NFASC: variants seen among roughly 807,000 people sequenced by gnomAD.
NFASC encodes neurofascin homolog.
Under a neutral mutation model 147.5 loss-of-function variants are expected in NFASC, and 43 were observed. That is an observed-to-expected ratio of 0.29 (90% CI 0.23 to 0.38). NFASC has a LOEUF of 0.38. Ranked by LOEUF, NFASC falls within the 10% of genes least tolerant of loss-of-function variation. The pLI, the probability that NFASC is intolerant of heterozygous loss-of-function variation, is 1.00. For synonymous variants in NFASC, 622 were observed against 665.5 expected, an observed-to-expected ratio of 0.93 and a Z score of 1.01; for missense variants, 1,320 against 1,689.0, an observed-to-expected ratio of 0.78 and a Z score of 3.83.
At position 204,996,763 on chromosome 1, in the gene NFASC, G is replaced by T. The variant is rs2095853476; in HGVS notation, c.2783-407G>T. Among the ~76,000 whole-genome samples, 3 of 152,080 alleles carry T rather than the reference G, an allele frequency of 2.0e-5. No homozygotes were observed. The South Asian group carries it at 6.2e-4, about 32-fold the overall frequency. On this transcript the variant is annotated intron_variant, in intron 24 of 29. Coordinates refer to ENST00000339876, the MANE Select transcript of NFASC (RefSeq NM_001005388.3). ...ACCGCCTGCCCACCTCTAGGCTGGGGCTCCAGGGCTGGACCCAACTGGTGC... is the reference window on the plus strand; with the variant it reads ...ACCGCCTGCCCACCTCTAGGCTGGGTCTCCAGGGCTGGACCCAACTGGTGC...
intron 21 of NFASC, among the ~76,000 whole-genome samples, chr1:204,983,659 T>C (rs2095550566): frequency 6.6e-6 from 1 of 152,168 alleles, no homozygotes; most frequent in African/African-American, 2.4e-5. Context: ...TAAACCCATC[T>C]GGAAGCCTGA....
chr1:204,920,802 C>T (rs1279669940), intron 2 of NFASC, 62 bp downstream of exon 2: 5 of 734,368 alleles, frequency 6.8e-6, no homozygotes, highest in Middle Eastern at 4.3e-4. Context: ...GGGACATTCT[C>T]GCCTCCTGCC....
At chr1:204,898,615 G>A (rs1310260572) in intron 1 of NFASC, among the ~76,000 whole-genome samples, 1 of 152,172 alleles carries the variant, frequency 6.6e-6, no homozygotes, top group Non-Finnish European at 1.5e-5. Flanking sequence ...GGCTGAGTGA[G>A]CCCTGTATCC....
chr1:204,886,189 C>T (rs1386788163), intron 1 of NFASC, among the ~76,000 whole-genome samples: 5 of 152,112 alleles, frequency 3.3e-5, no homozygotes, highest in African/African-American at 1.2e-4. Context: ...ACTCAGCAGT[C>T]GGTTCCAAAT....
Position 204,979,691 on chromosome 1 carries a change from A to C in NFASC, c.2176+132A>C. On this transcript the variant is annotated intron_variant, in intron 19 of 29. Coordinates refer to ENST00000339876, the MANE Select transcript of NFASC (RefSeq NM_001005388.3). This position sits in a 1 kb window ranked among gnomAD's most constrained non-coding sequence, Gnocchi z 6.0. ...CAAGGCCCGGCCTCATCTGTGAGGC[A>C]GAGAGTAATAATAACACCTACATCA... 2 of 787,488 alleles carry C rather than the reference A, an allele frequency of 2.5e-6. No individual in the cohort carries two copies. The highest frequency in any genetic ancestry group is 4.4e-6 in the Non-Finnish European group (2 of 453,962). 48.8% of individuals were successfully genotyped at this position (787,488 alleles called of 1,614,324 possible).
intron 10 of NFASC, among the ~76,000 whole-genome samples, chr1:204,970,344 T>TA (rs112493038): frequency 0.047 from 7,079 of 152,140 alleles, 514 homozygotes; most frequent in African/African-American, 0.16. Context: ...TCCCTTTTTT[T>TA]AAAAAAAGCT....
chr1:204,975,260 C>T lies in NFASC; in HGVS notation c.1559-11C>T. ...ACAGGCCAGTGGCGAGTGCTCTGGG[C>T]TTCTCCACAGACCCCACCAGGATCT... On this transcript the variant is annotated splice_polypyrimidine_tract_variant and intron_variant, in intron 14 of 29. Transcript: ENST00000339876. The surrounding 1 kb of genome is among the most constrained non-coding windows in gnomAD (Gnocchi z 4.0). 1.2e-6 allele frequency: 2 copies of T among 1,604,594 alleles called. No individual in the cohort carries two copies. Among genetic ancestry groups the T allele is most frequent in the Non-Finnish European group, 1.7e-6 (2 of 1,173,958 alleles).
In NFASC at chr1:204,968,758, G is replaced by A. The variant is rs548872285; in HGVS notation, c.819-40G>A. 8.4e-5 allele frequency: 133 copies of A among 1,586,038 alleles called. No individual in the cohort carries two copies. The highest frequency in any genetic ancestry group is 8.3e-4 in the Admixed American group (48 of 57,876). Reference sequence around the variant, plus strand: ...CTGTATAGAAGAGGAGAAAGGCCACGTTTAGTGATAACTTGTTTCCTGCTT... The same window carrying A: ...CTGTATAGAAGAGGAGAAAGGCCACATTTAGTGATAACTTGTTTCCTGCTT... On this transcript the variant is annotated intron_variant, in intron 9 of 29. Coordinates refer to ENST00000339876, the MANE Select transcript of NFASC (RefSeq NM_001005388.3). This position sits in a 1 kb window ranked among gnomAD's most constrained non-coding sequence, Gnocchi z 5.4.
intron 1 of NFASC, among the ~76,000 whole-genome samples, chr1:204,903,249 C>G (rs977702938): frequency 2.0e-5 from 3 of 152,168 alleles, no homozygotes; most frequent in Admixed American, 6.5e-5. Flanking sequence ...TGCCTTGTCT[C>G]TCATTTTTCT....
chr1:204,832,972 T>A (rs139779005), intron 1 of NFASC, among the ~76,000 whole-genome samples: 7 of 152,226 alleles, frequency 4.6e-5, no homozygotes, highest in Admixed American at 3.9e-4. Flanking sequence ...CAGGCCTAAC[T>A]GTAAGGGCAG....
At chr1:204,972,650 A>G (rs2095294210) in intron 11 of NFASC, among the ~76,000 whole-genome samples, 1 of 151,872 alleles carries the variant, frequency 6.6e-6, no homozygotes, top group African/African-American at 2.4e-5. Context: ...GACTCATTCC[A>G]TTTTCAAGAG....
chr1:204,928,734 A>G (rs1263007406), intron 2 of NFASC, among the ~76,000 whole-genome samples: 2 of 152,296 alleles, frequency 1.3e-5, no homozygotes, highest in South Asian at 2.1e-4. Flanking sequence ...TGTCCAAGCT[A>G]TATGGCTTGA....
At chr1:204,858,522 G>A (rs113113154) in intron 1 of NFASC, among the ~76,000 whole-genome samples, 270 of 152,154 alleles carry the variant, frequency 1.8e-3, no homozygotes, top group African/African-American at 5.9e-3. Context: ...TGGGGACTTC[G>A]GGGAGGTGGG....
chr1:204,861,526 G>A (rs772684175), intron 1 of NFASC, among the ~76,000 whole-genome samples: 1 of 152,132 alleles, frequency 6.6e-6, no homozygotes, highest in African/African-American at 2.4e-5. Flanking sequence ...GTCTCGCTCT[G>A]TTGCCCAAGC....
At position 205,016,586 on chromosome 1, in the gene NFASC, G is replaced by T; in HGVS notation, c.*47G>T. The T allele has an allele frequency of 7.1e-7, 1 of 1,399,424 alleles. No individual in the cohort carries two copies. The allele number at this position is 1,399,424 out of a possible 1,614,324, so 86.7% of individuals were successfully genotyped here. On this transcript the variant is annotated 3_prime_UTR_variant, in exon 30 of 30. Transcript: ENST00000339876. The surrounding 1 kb of genome is among the most constrained non-coding windows in gnomAD (Gnocchi z 5.1). ...CACCACTTTGCAAGTGGGAGGAGGG[G>T]AGAAGGGGAGACAAAACCACTGCAG... is the stretch of plus-strand genomic sequence containing the variant.
rs2095647473 is a variant in NFASC, at chr1:204,987,847, T to C, written c.2593+307T>C. On this transcript the variant is annotated intron_variant, in intron 22 of 29. Coordinates refer to ENST00000339876, the MANE Select transcript of NFASC (RefSeq NM_001005388.3). The surrounding 1 kb of genome is among the most constrained non-coding windows in gnomAD (Gnocchi z 4.4). Reference sequence around the variant, plus strand: ...TTTGTAGTCTCCAACACGTACAGAGTCTAGGAGAGAGAGTTCCTCAAGCTC... The same window carrying C: ...TTTGTAGTCTCCAACACGTACAGAGCCTAGGAGAGAGAGTTCCTCAAGCTC... Among the ~76,000 whole-genome samples the C allele has an allele frequency of 1.3e-5, 2 of 151,952 alleles. No individual in the cohort carries two copies. Among genetic ancestry groups the C allele is most frequent in the South Asian group, 4.1e-4 (2 of 4,824 alleles).
Position 204,945,655 on chromosome 1 carries a change from A to G in NFASC, c.91+1249A>G, listed in dbSNP as rs551282779. Among the ~76,000 whole-genome samples, 21 of 152,188 alleles carry G rather than the reference A, an allele frequency of 1.4e-4. No homozygotes were observed. The South Asian group carries it at 4.4e-3, about 32-fold the overall frequency. On this transcript the variant is annotated intron_variant, in intron 3 of 29. Coordinates refer to ENST00000339876, the MANE Select transcript of NFASC (RefSeq NM_001005388.3). ...CATGTGGACTTGAATGTATGTGTGCATATGTATGCATGCCCACACACGTGT... is the reference window on the plus strand; with the variant it reads ...CATGTGGACTTGAATGTATGTGTGCGTATGTATGCATGCCCACACACGTGT...
chr1:204,830,781 A>G (rs1240625120), intron 1 of NFASC, among the ~76,000 whole-genome samples: 1 of 152,252 alleles, frequency 6.6e-6, no homozygotes, highest in Non-Finnish European at 1.5e-5. Context: ...TTAGGGGCTT[A>G]GACGAAACCC....
intron 11 of NFASC, among the ~76,000 whole-genome samples, chr1:204,971,069 G>A (rs1179602239): frequency 1.3e-5 from 2 of 152,138 alleles, no homozygotes; most frequent in Non-Finnish European, 2.9e-5. Context: ...TGGGGACTGT[G>A]GCTGCATCTC....
Sources: gnomAD v4.1 joint callset for allele counts (sites outside exome capture counted in the v4.1 genomes callset) on GRCh38, gnomAD v4.1.1 for gene constraint, Gnocchi (gnomAD v3.1) non-coding constraint, MANE v1.5 for transcripts, NCBI Gene and HGNC (gene_info 2026-07-23, HGNC 2026-07-21) for gene names.